Variants in DLGAP2 observed in about 807,000 individuals in gnomAD.
DLGAP2 encodes the protein disks large-associated protein 2.
DLGAP2 carries 26 observed loss-of-function variants against 100.3 expected under a neutral mutation model. The observed-to-expected ratio is 0.26, with a 90% CI of 0.19 to 0.36. The LOEUF (loss-of-function observed/expected upper bound fraction) is 0.36, where lower values mean the gene tolerates loss of function less well. Ranked by LOEUF, DLGAP2 falls within the 10% of genes least tolerant of loss-of-function variation. The pLI is 1.00. For synonymous variants in DLGAP2, 886 were observed against 630.1 expected, an observed-to-expected ratio of 1.41 and a Z score of -6.08; for missense variants, 1,858 against 1,453.2, an observed-to-expected ratio of 1.28 and a Z score of -4.53.
chr8:1,668,551 A>G lies in DLGAP2; in HGVS notation c.2033A>G (p.Glu678Gly). The G allele has an allele frequency of 6.3e-7, 1 of 1,591,626 alleles. No homozygotes were observed. The highest frequency in any genetic ancestry group is 8.5e-7 in the Non-Finnish European group (1 of 1,170,402). The change falls in exon 9 of 15, where the codon GAA becomes GGA. Residue 678 changes from glutamate (E) to glycine (G), a missense_variant. Coordinates refer to ENST00000637795, the MANE Select transcript of DLGAP2 (RefSeq NM_001346810.2). ...AACAAGGCCATGAACCTCGCGCTGGAAACGGCCGCTGCCCAGCGCCACCTG... is the reference window on the plus strand; with the variant it reads ...AACAAGGCCATGAACCTCGCGCTGGGAACGGCCGCTGCCCAGCGCCACCTG... The part of the protein sequence containing the change: ...DSNKAMNLAL[E>G]TAAAQRHLPE...
intron 1 of DLGAP2, among the ~76,000 whole-genome samples, chr8:848,380 T>C (rs892352768): frequency 1.3e-4 from 16 of 121,222 alleles, no homozygotes; most frequent in Non-Finnish European, 2.6e-4. Context: ...TGTAGGGTCG[T>C]GCGGTGCGTG....
chr8:1,562,034 T>TG (rs765191773), intron 5 of DLGAP2, among the ~76,000 whole-genome samples: 1 of 20,268 alleles, frequency 4.9e-5, no homozygotes, highest in Non-Finnish European at 9.3e-5. Context: ...TGTGTGGTGT[T>TG]GGGTGTCCGC....
At chr8:1,017,526 CTG>C (rs138535174) in intron 2 of DLGAP2, among the ~76,000 whole-genome samples, 2 of 73,850 alleles carry the variant, frequency 2.7e-5, no homozygotes, top group Admixed American at 1.5e-4. Context: ...GACGCCTCCA[CTG>C]TGTGTGACCA....
chr8:1,117,355 A>T (rs917486509), intron 2 of DLGAP2, among the ~76,000 whole-genome samples: 1 of 152,242 alleles, frequency 6.6e-6, no homozygotes, highest in Non-Finnish European at 1.5e-5. Flanking sequence ...GTGACGATGC[A>T]CGGTCTTCTT....
intron 13 of DLGAP2, among the ~76,000 whole-genome samples, chr8:1,694,319 C>T (rs1172759474): frequency 4.6e-5 from 7 of 152,112 alleles, no homozygotes; most frequent in African/African-American, 1.2e-4. Context: ...TGGTCCGCAG[C>T]GCAAAGTAGC....
intron 2 of DLGAP2, among the ~76,000 whole-genome samples, chr8:947,284 C>T (rs2129006682): frequency 6.6e-6 from 1 of 152,300 alleles, no homozygotes; most frequent in Non-Finnish European, 1.5e-5. Context: ...CTGTCAGGGG[C>T]TGGGCGCCAG....
At chr8:1,028,108 C>T (rs1424895250) in intron 2 of DLGAP2, among the ~76,000 whole-genome samples, 2 of 137,700 alleles carry the variant, frequency 1.5e-5, no homozygotes, top group South Asian at 2.5e-4. Flanking sequence ...GTGCCAGGGG[C>T]CCGTTATTCT....
At chr8:988,764 G>C (rs1187923409) in intron 2 of DLGAP2, among the ~76,000 whole-genome samples, 1 of 152,114 alleles carries the variant, frequency 6.6e-6, no homozygotes, top group African/African-American at 2.4e-5. Context: ...TAGACCCAGG[G>C]CCTGTCCCCC....
At chr8:863,729 T>A (rs1797437991) in intron 1 of DLGAP2, among the ~76,000 whole-genome samples, 1 of 152,298 alleles carries the variant, frequency 6.6e-6, no homozygotes, top group South Asian at 2.1e-4. Flanking sequence ...AGACAGCAGA[T>A]GCCAGTGCGG....
At chr8:958,648 C>G (rs1584924381) in intron 2 of DLGAP2, among the ~76,000 whole-genome samples, 1 of 144,570 alleles carries the variant, frequency 6.9e-6, no homozygotes, top group East Asian at 2.1e-4. Context: ...CAAGAAAAAT[C>G]AAGCCATGCA....
At chr8:815,268 G>T (rs1301766708) in intron 1 of DLGAP2, among the ~76,000 whole-genome samples, 3 of 152,196 alleles carry the variant, frequency 2.0e-5, no homozygotes, top group South Asian at 2.1e-4. Flanking sequence ...CCCTGTGTCT[G>T]TGTCCTCTGA....
At chr8:956,581 C>G (rs545264474) in intron 2 of DLGAP2, among the ~76,000 whole-genome samples, 6 of 152,330 alleles carry the variant, frequency 3.9e-5, no homozygotes, top group African/African-American at 1.4e-4. Context: ...AGCCACGCAT[C>G]GTGGGCATCA....
chr8:801,874 G>A lies in DLGAP2; in HGVS notation c.18+64049G>A, dbSNP rs1351146270. ...GTGCCCTTTCGTACCTGAGCCGCCT[G>A]ACCCTGTTGTCTTCACTCAAGCTCA... On this transcript the variant is annotated intron_variant, in intron 1 of 14. Transcript: ENST00000637795. Among the ~76,000 whole-genome samples, 9 of 152,076 alleles carry A rather than the reference G, an allele frequency of 5.9e-5. No homozygotes were observed. In the South Asian group the frequency reaches 1.7e-3, roughly 28 times the overall value.
chr8:889,517 C>T (rs1456086381), intron 1 of DLGAP2, among the ~76,000 whole-genome samples: 1 of 152,166 alleles, frequency 6.6e-6, no homozygotes, highest in African/African-American at 2.4e-5. Flanking sequence ...TGCAGGGAAG[C>T]CACCCACTGA....
chr8:827,549 C>A (rs1251463892), intron 1 of DLGAP2, among the ~76,000 whole-genome samples: 2 of 152,116 alleles, frequency 1.3e-5, no homozygotes, highest in African/African-American at 4.8e-5. Context: ...AATCTTCATG[C>A]AGAACTTAGA....
At chr8:1,501,467 C>T (rs1799720761) in intron 4 of DLGAP2, 36 bp downstream of exon 4, 1 of 1,530,012 alleles carries the variant, frequency 6.5e-7, no homozygotes, top group South Asian at 1.2e-5. Context: ...CTGGCGGGGC[C>T]CGGACAGAAC....
intron 3 of DLGAP2, among the ~76,000 whole-genome samples, chr8:1,446,886 C>G (rs1181963699): frequency 6.6e-6 from 1 of 152,126 alleles, no homozygotes; most frequent in Non-Finnish European, 1.5e-5. Context: ...TGATTTGGCT[C>G]TCTGTTTGCC....
At chr8:1,370,253 G>A (rs963701205) in intron 3 of DLGAP2, among the ~76,000 whole-genome samples, 3 of 152,034 alleles carry the variant, frequency 2.0e-5, no homozygotes, top group Middle Eastern at 3.2e-3. Flanking sequence ...GATGTCCCAC[G>A]GTGCCTGGCT....
intron 2 of DLGAP2, among the ~76,000 whole-genome samples, chr8:1,006,702 T>C (rs1428561666): frequency 8.6e-6 from 1 of 116,210 alleles, no homozygotes; most frequent in Non-Finnish European, 1.7e-5. Flanking sequence ...TCTCGGGATG[T>C]GGTCCTTTAT....
Sources: gnomAD v4.1 joint callset for allele counts (sites outside exome capture counted in the v4.1 genomes callset) on GRCh38, gnomAD v4.1.1 for gene constraint, MANE v1.5 for transcripts, NCBI Gene and HGNC (gene_info 2026-07-23, HGNC 2026-07-21) for gene names.